FMN2: variants seen among roughly 807,000 people sequenced by gnomAD.
FMN2 encodes formin 2.
In FMN2, 51 loss-of-function variants were observed where a neutral mutation model predicts 142.3. The ratio of observed to expected loss-of-function variants is 0.36; its 90% confidence interval spans 0.29 to 0.45. FMN2 has a LOEUF of 0.45. Among genes scored for constraint, FMN2 ranks in the 20% least tolerant of loss-of-function variants. FMN2 has a pLI of 1.00. For synonymous variants in FMN2, 882 were observed against 869.8 expected (o/e 1.01, Z -0.25); for missense variants, 1,936 against 2,122.8 (o/e 0.91, Z 1.73).
chr1:240,321,142 G>A (rs1018626035), intron 8 of FMN2, among the ~76,000 whole-genome samples: 2 of 151,470 alleles, frequency 1.3e-5, no homozygotes, highest in Non-Finnish European at 2.9e-5. Context: ...TTTAAATTGT[G>A]AATTGAACTT....
chr1:240,226,943 A>G (rs987289410), intron 6 of FMN2, among the ~76,000 whole-genome samples: 3 of 152,132 alleles, frequency 2.0e-5, no homozygotes, highest in African/African-American at 7.2e-5. Context: ...GGAAAAAGAC[A>G]AGGATGTTCA....
chr1:240,146,101 C>T (rs1473465750), intron 2 of FMN2, among the ~76,000 whole-genome samples: 1 of 151,590 alleles, frequency 6.6e-6, no homozygotes, highest in African/African-American at 2.4e-5. Context: ...TATGGCTGGG[C>T]TCAGTGGATC....
chr1:240,419,365 G>T (rs1258673295), intron 15 of FMN2, among the ~76,000 whole-genome samples: 1 of 151,988 alleles, frequency 6.6e-6, no homozygotes, highest in Non-Finnish European at 1.5e-5. Context: ...GTTCGCATTT[G>T]TCATAGCACC....
intron 1 of FMN2, among the ~76,000 whole-genome samples, chr1:240,119,860 C>T (rs1342866861): frequency 7.2e-5 from 11 of 152,140 alleles, no homozygotes; most frequent in African/African-American, 2.2e-4. Flanking sequence ...ATTATCTGAG[C>T]GGTAGGAAAG....
At chr1:240,179,181 T>G (rs1665049904) in intron 3 of FMN2, 1 of 152,250 alleles carries the variant, frequency 6.6e-6, no homozygotes, top group Admixed American at 6.5e-5. Context: ...CCTAGCTCCG[T>G]GTATTTAATA....
At position 240,208,413 on chromosome 1, in the gene FMN2, C is replaced by T. The variant is rs777863508; in HGVS notation, c.3601C>T (p.Leu1201=). The T allele has an allele frequency of 1.9e-6, 3 of 1,589,160 alleles. No homozygotes were observed. In the African/African-American group the frequency reaches 4.1e-5, roughly 22 times the overall value. ...AGTGGGAATACCTCCTCCGCCCCCT[C>T]TACCTGGTGCTGGGATTCCCCCACC... ...PGVGIPPPPP[L]PGAGIPPPPP... The change falls in exon 5 of 18, where the codon CTA becomes TTA. Residue 1201 remains leucine, a synonymous_variant. Transcript: ENST00000319653.
chr1:240,392,161 C>T (rs1298348720), intron 14 of FMN2, among the ~76,000 whole-genome samples: 3 of 150,548 alleles, frequency 2.0e-5, no homozygotes, highest in Non-Finnish European at 4.4e-5. Flanking sequence ...GGAATTATTT[C>T]CACTAATTGT....
At chr1:240,322,305 C>G (rs1671000048) in intron 8 of FMN2, among the ~76,000 whole-genome samples, 1 of 152,090 alleles carries the variant, frequency 6.6e-6, no homozygotes, top group African/African-American at 2.4e-5. Flanking sequence ...AGTAAAGAAT[C>G]TTCGGTCTAA....
chr1:240,232,460 A>G (rs565607885), intron 6 of FMN2, among the ~76,000 whole-genome samples: 1 of 152,050 alleles, frequency 6.6e-6, no homozygotes, highest in South Asian at 2.1e-4. Context: ...TTTTTCATAC[A>G]CGTATACTTT....
intron 11 of FMN2, among the ~76,000 whole-genome samples, chr1:240,331,475 TCA>T (rs943924892): frequency 6.6e-6 from 1 of 152,118 alleles, no homozygotes; most frequent in Admixed American, 6.6e-5. Context: ...AAAAAAATCA[TCA>T]CACAAAAAAG....
chr1:240,185,519 C>T lies in FMN2; in HGVS notation c.1931-2688C>T, dbSNP rs189636814. Reference sequence around the variant, plus strand: ...AGCCATTGAATTAGACAGAGAGGAGCTGAAAGTTTGGGTGTAGGTGTGCAG... The same window carrying T: ...AGCCATTGAATTAGACAGAGAGGAGTTGAAAGTTTGGGTGTAGGTGTGCAG... On this transcript the variant is annotated intron_variant, in intron 3 of 17. Transcript: ENST00000319653. 1.2e-3 allele frequency among the ~76,000 whole-genome samples: 183 copies of T among 152,288 alleles called. 4 individuals carry two copies. The South Asian group carries it at 0.027, about 23-fold the overall frequency.
At position 240,093,738 on chromosome 1, in the gene FMN2, G is replaced by C; in HGVS notation, c.1615+14G>C. The C allele has an allele frequency of 7.6e-7, 1 of 1,307,380 alleles. No individual in the cohort carries two copies. Among genetic ancestry groups the C allele is most frequent in the Non-Finnish European group, 9.7e-7 (1 of 1,032,484 alleles). The allele number at this position is 1,307,380 out of a possible 1,614,324, so 81.0% of individuals were successfully genotyped here. A position where few individuals can be genotyped will look rare whatever the true frequency, so the allele number is the denominator to read the frequency against. ...ACGTGTTCACAGGTGAGCGCGCCCTGCTGCTGGCCTCCGGGTCTCAAGTCG... is the reference window on the plus strand; with the variant it reads ...ACGTGTTCACAGGTGAGCGCGCCCTCCTGCTGGCCTCCGGGTCTCAAGTCG... On this transcript the variant is annotated intron_variant, in intron 1 of 17. Coordinates refer to ENST00000319653, the MANE Select transcript of FMN2 (RefSeq NM_020066.5).
intron 6 of FMN2, chr1:240,245,695 A>G (rs1668057377): frequency 4.5e-6 from 2 of 448,350 alleles, no homozygotes; most frequent in Admixed American, 5.1e-5. Flanking sequence ...AAAAGATGAA[A>G]AGTTAATTTT....
At chr1:240,178,760 C>T (rs1665031853) in intron 3 of FMN2, among the ~76,000 whole-genome samples, 1 of 152,108 alleles carries the variant, frequency 6.6e-6, no homozygotes, top group Non-Finnish European at 1.5e-5. Flanking sequence ...GTAATAAATT[C>T]CCAACTTCCT....
At chr1:240,464,155 G>A (rs1676537023) in intron 16 of FMN2, among the ~76,000 whole-genome samples, 1 of 152,214 alleles carries the variant, frequency 6.6e-6, no homozygotes, top group African/African-American at 2.4e-5. Flanking sequence ...AGAGGCAGAT[G>A]TGTGTGATGA....
intron 1 of FMN2, among the ~76,000 whole-genome samples, chr1:240,102,108 A>G (rs1408730743): frequency 6.6e-6 from 1 of 152,182 alleles, no homozygotes; most frequent in African/African-American, 2.4e-5. Flanking sequence ...CTACTATTGA[A>G]TATGCTTACT....
chr1:240,173,183 G>A (rs543601211), intron 2 of FMN2, among the ~76,000 whole-genome samples: 14 of 152,198 alleles, frequency 9.2e-5, no homozygotes, highest in South Asian at 4.1e-4. Context: ...TGATCTGCCC[G>A]GCTTGGCCTC....
At position 240,154,229 on chromosome 1, in the gene FMN2, T is replaced by C. The variant is rs1663919072; in HGVS notation, c.1783-23692T>C. On this transcript the variant is annotated intron_variant, in intron 2 of 17. Transcript: ENST00000319653. ...CTGGAGAGAGGGAGCAGACAGACAA[T>C]GCATCAAAGAGAATTCTCAGTTCAA... Among the ~76,000 whole-genome samples the C allele has an allele frequency of 2.0e-5, 3 of 149,852 alleles. No individual in the cohort carries two copies. The Admixed American group carries it at 2.0e-4, about 10-fold the overall frequency.
chr1:240,335,651 C>T (rs1301417029), intron 13 of FMN2, among the ~76,000 whole-genome samples: 1 of 152,028 alleles, frequency 6.6e-6, no homozygotes, highest in East Asian at 1.9e-4. Context: ...AATGGGTGAC[C>T]CTATTATCAG....
Sources: gnomAD v4.1 joint callset for allele counts (sites outside exome capture counted in the v4.1 genomes callset) on GRCh38, gnomAD v4.1.1 for gene constraint, MANE v1.5 for transcripts, NCBI Gene and HGNC (gene_info 2026-07-23, HGNC 2026-07-21) for gene names.